The following EXOSC1 variants were observed in gnomAD, a reference collection of about 807,000 sequenced individuals.
EXOSC1 encodes exosome component 1, also known as exosome complex component CSL4.
Under a neutral mutation model 31.4 loss-of-function variants are expected in EXOSC1, and 27 were observed. The observed-to-expected ratio is 0.86, with a 90% CI of 0.63 to 1.18. The LOEUF (loss-of-function observed/expected upper bound fraction) is 1.18, where lower values mean the gene tolerates loss of function less well. Among genes scored for constraint, EXOSC1 ranks in the 50% most tolerant of loss-of-function variants. The pLI is 0.00. For missense variants in EXOSC1, 228 were observed against 250.3 expected, an observed-to-expected ratio of 0.91 and a Z score of 0.60; for synonymous variants, 84 against 89.5, an observed-to-expected ratio of 0.94 and a Z score of 0.35.
intron 4 of EXOSC1, 44 bp from the exon 5 acceptor site, chr10:97,438,747 A>G: frequency 1.4e-6 from 2 of 1,449,324 alleles, no homozygotes; most frequent in Non-Finnish European, 1.9e-6. Context: ...CCTGTGAGAA[A>G]GAATTTTTTT....
At chr10:97,441,622 CT>C (rs1845718795) in intron 3 of EXOSC1, among the ~76,000 whole-genome samples, 2 of 150,740 alleles carry the variant, frequency 1.3e-5, no homozygotes, top group South Asian at 4.2e-4. Flanking sequence ...TCCTGAATAG[CT>C]GGGATTACAG....
At chr10:97,438,160 GC>G (rs1845605810) in intron 5 of EXOSC1, among the ~76,000 whole-genome samples, 1 of 151,866 alleles carries the variant, frequency 6.6e-6, no homozygotes, top group African/African-American at 2.4e-5. Context: ...CTTGTGATCC[GC>G]CCACCTTGGC....
intron 3 of EXOSC1, among the ~76,000 whole-genome samples, chr10:97,442,038 G>T (rs1845735753): frequency 6.6e-6 from 1 of 151,634 alleles, no homozygotes; most frequent in Non-Finnish European, 1.5e-5. Flanking sequence ...TTAGCCAGGC[G>T]TGGCAGCACA....
intron 5 of EXOSC1, among the ~76,000 whole-genome samples, 175 bp from the exon 6 acceptor site, chr10:97,437,925 ATTTT>A (rs938142688): frequency 6.7e-6 from 1 of 148,294 alleles, no homozygotes; most frequent in South Asian, 2.1e-4. Flanking sequence ...ACAAATGAAA[ATTTT>A]TTTTTTTTGA....
In EXOSC1 at chr10:97,441,246, T is replaced by C. The variant is rs768171128; in HGVS notation, c.236A>G (p.Asn79Ser). 10 of 1,613,930 alleles carry C rather than the reference T, an allele frequency of 6.2e-6. No individual in the cohort carries two copies. The East Asian group carries it at 6.7e-5, about 11-fold the overall frequency. The change falls in exon 4 of 8, where the codon AAT becomes AGT. Residue 79 changes from asparagine (N) to serine (S), a missense_variant. Transcript: ENST00000370902. ...AIVTCKVSSI[N>S]SRFAKVHILY... ...GATGTGTACTTTGGCAAAGCGTGAA[T>C]TGATGCTAGAGACCTGCGGAATAGA...
chr10:97,445,851 C>G lies in EXOSC1; in HGVS notation c.32-4G>C, dbSNP rs1351704376. 2 of 1,613,672 alleles carry G rather than the reference C, an allele frequency of 1.2e-6. No individual in the cohort carries two copies. The highest frequency in any genetic ancestry group is 1.7e-6 in the Non-Finnish European group (2 of 1,179,764). ...TCCAAGTTACACAGACGTTCGCCTG[C>G]AGAAAAAATGCTGCATCGGTCACGG... is the stretch of plus-strand genomic sequence containing the variant. On this transcript the variant is annotated splice_region_variant and splice_polypyrimidine_tract_variant and intron_variant, in intron 1 of 7. Coordinates refer to ENST00000370902, the MANE Select transcript of EXOSC1 (RefSeq NM_016046.5).
chr10:97,444,628 G>A (rs570572237), intron 2 of EXOSC1: 5 of 152,206 alleles, frequency 3.3e-5, no homozygotes, highest in East Asian at 1.9e-4. Context: ...CCAAGTCAGC[G>A]CTGTGCCTGA....
intron 2 of EXOSC1, chr10:97,445,515 C>G (rs957256527): frequency 1.7e-6 from 1 of 583,564 alleles, no homozygotes; most frequent in East Asian, 2.8e-5. Flanking sequence ...CCCAACTTCC[C>G]TCCCCGAGGG....
intron 4 of EXOSC1, among the ~76,000 whole-genome samples, chr10:97,440,413 A>C (rs1410047197): frequency 1.3e-5 from 2 of 152,066 alleles, no homozygotes; most frequent in African/African-American, 4.8e-5. Flanking sequence ...CAGTGGTGCA[A>C]TCTCAGCTCA....
intron 4 of EXOSC1, 47 bp downstream of exon 4, chr10:97,441,124 A>C: frequency 1.4e-6 from 2 of 1,477,082 alleles, no homozygotes; most frequent in Non-Finnish European, 1.9e-6. Context: ...AGTCTATCCT[A>C]ATCTTATTCC....
At chr10:97,443,865 T>A (rs2133157994) in intron 2 of EXOSC1, 1 of 152,292 alleles carries the variant, frequency 6.6e-6, no homozygotes, top group South Asian at 2.1e-4. Context: ...CCATCTTGGT[T>A]CACTGCAACC....
rs377082810 is a variant in EXOSC1, at chr10:97,443,233, T to C, written c.222+4A>G. On this transcript the variant is annotated splice_donor_region_variant and intron_variant, in intron 3 of 7. Coordinates refer to ENST00000370902, the MANE Select transcript of EXOSC1 (RefSeq NM_016046.5). ...TCTAAGCATGGAGGTCAGGACCAACTTACCTTACAGGTTACAATAGCTCCC... is the reference window on the plus strand; with the variant it reads ...TCTAAGCATGGAGGTCAGGACCAACCTACCTTACAGGTTACAATAGCTCCC... 3.1e-6 allele frequency: 5 copies of C among 1,613,248 alleles called. No individual in the cohort carries two copies. In the African/African-American group the frequency reaches 6.7e-5, roughly 22 times the overall value.
chr10:97,440,271 C>T (rs1845674314), intron 4 of EXOSC1, among the ~76,000 whole-genome samples: 1 of 152,124 alleles, frequency 6.6e-6, no homozygotes, highest in Admixed American at 6.5e-5. Context: ...CACGCCCAGC[C>T]TGCCTTCTAC....
Position 97,437,217 on chromosome 10 carries a change from C to T in EXOSC1, c.455G>A (p.Gly152Glu). The change falls in exon 7 of 8, where the codon GGA (glycine) becomes GAA (glutamate). Residue 152 changes from glycine (G) to glutamate (E), a missense_variant. Gly to Glu is a moderately conservative substitution (Grantham distance 98). Transcript: ENST00000370902. Reference protein sequence around the residue: ...YLLTTAENELGVVVAHSESGI... With the variant: ...YLLTTAENELEVVVAHSESGI... ...TGACTCACTGTGGGCTACCACCACT[C>T]CCAGCTCGTTCTCGGCGGTGGTTAG... is the stretch of plus-strand genomic sequence containing the variant. The T allele has an allele frequency of 6.2e-7, 1 of 1,614,140 alleles. No homozygotes were observed.
chr10:97,443,374 G>T, intron 2 of EXOSC1, 63 bp from the exon 3 acceptor site: 1 of 1,393,814 alleles, frequency 7.2e-7, no homozygotes, highest in Non-Finnish European at 1.0e-6. Flanking sequence ...GGCATTTGTG[G>T]CTTGAGAGTA....
At chr10:97,445,398 G>A (rs887764671) in intron 2 of EXOSC1, 16 of 290,140 alleles carry the variant, frequency 5.5e-5, no homozygotes, top group African/African-American at 2.8e-4. Context: ...GGTGGAGATA[G>A]TGGCGCTAGA....
At chr10:97,444,589 T>C (rs984310100) in intron 2 of EXOSC1, 16 of 152,254 alleles carry the variant, frequency 1.1e-4, no homozygotes, top group Non-Finnish European at 4.4e-5. Context: ...TTGTTTACAA[T>C]TTGTGTCTGT....
At position 97,445,944 on chromosome 10, in the gene EXOSC1, C is replaced by G; in HGVS notation, c.31+11G>C. ...CCTATCCAGGACTCTGTACGGGAAG[C>G]GCTCACTTACCGGGGATGCAGTATC... On this transcript the variant is annotated intron_variant, in intron 1 of 7. Coordinates refer to ENST00000370902, the MANE Select transcript of EXOSC1 (RefSeq NM_016046.5). The G allele has an allele frequency of 6.2e-7, 1 of 1,614,164 alleles. No individual in the cohort carries two copies. Among genetic ancestry groups the G allele is most frequent in the Admixed American group, 1.7e-5 (1 of 60,024 alleles).
chr10:97,445,929 A>AGGG, intron 1 of EXOSC1, 26 bp downstream of exon 1: 1 of 1,613,724 alleles, frequency 6.2e-7, no homozygotes, highest in Non-Finnish European at 8.5e-7. Flanking sequence ...CCTATCCAGG[A>AGGG]CTCTGTACGG....
Sources: allele counts gnomAD v4.1 joint callset (sites outside exome capture counted in the v4.1 genomes callset), GRCh38; gene constraint gnomAD v4.1.1; transcripts MANE v1.5; gene names NCBI Gene and HGNC (gene_info 2026-07-23, HGNC 2026-07-21).